KCNN2: variants seen among roughly 807,000 people sequenced by gnomAD.
The protein encoded by KCNN2 is potassium calcium-activated channel subfamily N member 2.
KCNN2 carries 24 observed loss-of-function variants against 55.5 expected under a neutral mutation model. The observed-to-expected ratio is 0.43, with a 90% CI of 0.31 to 0.61. The LOEUF (loss-of-function observed/expected upper bound fraction) is 0.61. KCNN2 is among the 20% of genes least tolerant of loss of function. The probability of loss-of-function intolerance (pLI) is 0.08; values close to 1 mark genes in which losing one functional copy is unlikely to be tolerated. For synonymous variants in KCNN2, 431 were observed against 336.1 expected, an observed-to-expected ratio of 1.28 and a Z score of -3.09; for missense variants, 754 against 853.6, an observed-to-expected ratio of 0.88 and a Z score of 1.45.
In KCNN2 at chr5:114,414,840, G is replaced by A. The variant is rs769784256; in HGVS notation, c.1637+9984G>A. Among the ~76,000 whole-genome samples the A allele has an allele frequency of 9.9e-5, 15 of 152,076 alleles. 1 individual carries two copies. The highest frequency in any genetic ancestry group is 1.6e-4 in the Non-Finnish European group (11 of 68,022). ...ACAACTTTATTGAGGTATAATTTACGCACCGTAAACTCCATCTATTTAAAG... is the reference window on the plus strand; with the variant it reads ...ACAACTTTATTGAGGTATAATTTACACACCGTAAACTCCATCTATTTAAAG... On this transcript the variant is annotated intron_variant, in intron 3 of 7. Transcript: ENST00000673685.
chr5:114,115,067 A>G (rs904479609), intron 1 of KCNN2, among the ~76,000 whole-genome samples: 4 of 152,094 alleles, frequency 2.6e-5, no homozygotes, highest in African/African-American at 9.7e-5. Context: ...TGACATGGTG[A>G]AGTTCTAATT....
At chr5:114,127,150 C>A (rs1005208094) in intron 1 of KCNN2, among the ~76,000 whole-genome samples, 8 of 152,082 alleles carry the variant, frequency 5.3e-5, no homozygotes, top group Admixed American at 5.2e-4. Flanking sequence ...AGTGAATCTA[C>A]CATTCTGGGG....
At chr5:114,112,541 C>G (rs1019831540) in intron 1 of KCNN2, among the ~76,000 whole-genome samples, 1 of 151,944 alleles carries the variant, frequency 6.6e-6, no homozygotes, top group African/African-American at 2.4e-5. Flanking sequence ...ACACATTGAT[C>G]CAATTTTATT....
At chr5:114,106,401 A>G (rs1284160910) in intron 1 of KCNN2, among the ~76,000 whole-genome samples, 6 of 151,916 alleles carry the variant, frequency 3.9e-5, no homozygotes, top group Non-Finnish European at 5.9e-5. Flanking sequence ...TTATGCATAT[A>G]CAGATCTAGT....
At chr5:114,114,027 T>C (rs1017022742) in intron 1 of KCNN2, among the ~76,000 whole-genome samples, 1 of 152,142 alleles carries the variant, frequency 6.6e-6, no homozygotes, top group South Asian at 2.1e-4. Context: ...GATAACCCAC[T>C]GGGTAAACAA....
At chr5:114,212,547 A>AC (rs1753909443) in intron 1 of KCNN2, among the ~76,000 whole-genome samples, 3 of 152,106 alleles carry the variant, frequency 2.0e-5, no homozygotes, top group Non-Finnish European at 4.4e-5. Context: ...TAAAGCTGTT[A>AC]TAAAAAGTTT....
intron 2 of KCNN2, among the ~76,000 whole-genome samples, chr5:114,233,780 T>C (rs984226526): frequency 6.6e-6 from 1 of 152,192 alleles, no homozygotes; most frequent in East Asian, 1.9e-4. Flanking sequence ...GAGTGTGCTT[T>C]ATCTTTGATT....
At chr5:114,152,399 C>T (rs759272957) in intron 1 of KCNN2, among the ~76,000 whole-genome samples, 2 of 152,076 alleles carry the variant, frequency 1.3e-5, no homozygotes, top group African/African-American at 2.4e-5. Context: ...ACCAAATAAA[C>T]TCAAAAAAGA....
intron 1 of KCNN2, among the ~76,000 whole-genome samples, chr5:114,210,717 C>T (rs549995863): frequency 5.8e-4 from 88 of 152,098 alleles, no homozygotes; most frequent in South Asian, 2.1e-3. Flanking sequence ...TAGTTATTAA[C>T]GACGATAGGA....
At chr5:114,345,315 T>C (rs1322488480) in intron 2 of KCNN2, among the ~76,000 whole-genome samples, 4 of 152,108 alleles carry the variant, frequency 2.6e-5, no homozygotes, top group Admixed American at 2.0e-4. Flanking sequence ...TCTAATAAAA[T>C]TGGTTTTCTA....
At chr5:114,487,213 G>A (rs752495834) in intron 6 of KCNN2, 36 bp downstream of exon 6, 12 of 1,588,340 alleles carry the variant, frequency 7.6e-6, no homozygotes, top group Non-Finnish European at 2.6e-6. Flanking sequence ...CTGTTGTTGT[G>A]TCCTTGGCTT....
At chr5:114,312,200 T>C (rs1043242270) in intron 2 of KCNN2, among the ~76,000 whole-genome samples, 1 of 151,766 alleles carries the variant, frequency 6.6e-6, no homozygotes, top group Admixed American at 6.6e-5. Flanking sequence ...TCTTCTTGCT[T>C]CTTGGCGTGA....
intron 3 of KCNN2, among the ~76,000 whole-genome samples, chr5:114,419,954 C>T (rs768197514): frequency 5.3e-5 from 8 of 152,200 alleles, no homozygotes; most frequent in Non-Finnish European, 1.2e-4. Context: ...GCTATGATCA[C>T]GAGGCTATAC....
At chr5:114,218,153 G>C (rs1047355648) in intron 1 of KCNN2, among the ~76,000 whole-genome samples, 1 of 152,224 alleles carries the variant, frequency 6.6e-6, no homozygotes, top group Non-Finnish European at 1.5e-5. Flanking sequence ...AAATGGTACA[G>C]CTGCTTTGGA....
At chr5:114,247,202 C>CAAAAAAAAAAAAAAAAAAAAAAA (rs370172975) in intron 2 of KCNN2, among the ~76,000 whole-genome samples, 21 of 68,098 alleles carry the variant, frequency 3.1e-4, no homozygotes, top group African/African-American at 1.1e-3. Context: ...CATATGTCTC[C>CAAAAAAAAAAAAAAAAAAAAAAA]AAAAAAAAAA....
At chr5:114,157,211 T>C (rs1027723600) in intron 1 of KCNN2, among the ~76,000 whole-genome samples, 3 of 146,416 alleles carry the variant, frequency 2.0e-5, no homozygotes, top group African/African-American at 7.6e-5. Context: ...TGTGTCCTTA[T>C]GTTCTCATTG....
At chr5:114,273,164 A>G (rs1260736359) in intron 2 of KCNN2, among the ~76,000 whole-genome samples, 3 of 152,166 alleles carry the variant, frequency 2.0e-5, no homozygotes, top group Non-Finnish European at 2.9e-5. Context: ...GCTGAGACAC[A>G]TGATTTCCAG....
intron 5 of KCNN2, chr5:114,486,745 T>TCAA (rs756970349): frequency 7.7e-7 from 1 of 1,299,118 alleles, no homozygotes; most frequent in South Asian, 1.3e-5. Flanking sequence ...GGTGGAGAAC[T>TCAA]CAACACCCCT....
chr5:114,096,819 C>G (rs996162077), intron 1 of KCNN2, among the ~76,000 whole-genome samples: 20 of 152,144 alleles, frequency 1.3e-4, no homozygotes, highest in African/African-American at 4.8e-4. Context: ...AAAGATGGCT[C>G]AAGGAGACAG....
Sources: gnomAD v4.1 joint callset for allele counts (sites outside exome capture counted in the v4.1 genomes callset) on GRCh38, gnomAD v4.1.1 for gene constraint, MANE v1.5 for transcripts, NCBI Gene and HGNC (gene_info 2026-07-23, HGNC 2026-07-21) for gene names.